MAPK1IP1L: variants seen among roughly 807,000 people sequenced by gnomAD.
The protein encoded by MAPK1IP1L is mitogen-activated protein kinase 1 interacting protein 1 like, also known as MAPK-interacting and spindle-stabilizing protein-like.
In MAPK1IP1L, 10 loss-of-function variants were observed where a neutral mutation model predicts 18.1. The ratio of observed to expected loss-of-function variants is 0.55; its 90% CI spans 0.34 to 0.94. The LOEUF is 0.94. Ranked by LOEUF, MAPK1IP1L falls within the 40% of genes least tolerant of loss-of-function variation. MAPK1IP1L has a pLI of 0.02. For synonymous variants in MAPK1IP1L, 115 were observed against 117.3 expected, an observed-to-expected ratio of 0.98 and a Z score of 0.13; for missense variants, 260 against 318.2, an observed-to-expected ratio of 0.82 and a Z score of 1.39.
rs1225524112 is a variant in MAPK1IP1L, at chr14:55,069,121, TAA to T, written c.*4496_*4497del. ...TTTGCCTCTTCACTTTACCCCTGGA[TAA>T]AGGCACTTTCACTGCCTGTCACTGA... On this transcript the variant is annotated 3_prime_UTR_variant, in exon 4 of 4. Transcript: ENST00000395468. 1.3e-5 allele frequency: 2 copies of T among 152,184 alleles called. No homozygotes were observed. Among genetic ancestry groups the T allele is most frequent in the African/African-American group, 4.8e-5 (2 of 41,420 alleles). 9.4% of individuals were successfully genotyped at this position (152,184 alleles called of 1,614,324 possible).
At chr14:55,061,505 C>T (rs561323032) in intron 1 of MAPK1IP1L, among the ~76,000 whole-genome samples, 175 bp from the exon 2 acceptor site, 2 of 152,260 alleles carry the variant, frequency 1.3e-5, no homozygotes, top group East Asian at 3.9e-4. Flanking sequence ...GTTAATAGAG[C>T]TGTATGAACT....
At position 55,065,342 on chromosome 14, in the gene MAPK1IP1L, G is replaced by C. The variant is rs2042853791; in HGVS notation, c.*715G>C. 1 of 152,078 alleles carries C rather than the reference G, an allele frequency of 6.6e-6. No homozygotes were observed. Among genetic ancestry groups the C allele is most frequent in the Non-Finnish European group, 1.5e-5 (1 of 68,014 alleles). The allele number at this position is 152,078 out of a possible 1,614,324, so 9.4% of individuals were successfully genotyped here. ...AACATGTATGTAAATTAAATTTTTA[G>C]ATAATTGATTATCTCTTTGTACTAC... On this transcript the variant is annotated 3_prime_UTR_variant, in exon 4 of 4. Transcript: ENST00000395468.
intron 1 of MAPK1IP1L, among the ~76,000 whole-genome samples, chr14:55,057,685 G>A (rs1408388182): frequency 6.6e-6 from 1 of 152,054 alleles, no homozygotes; most frequent in African/African-American, 2.4e-5. Flanking sequence ...AAACTGAGGA[G>A]GCGGAGGTTA....
intron 1 of MAPK1IP1L, among the ~76,000 whole-genome samples, chr14:55,056,801 G>A (rs145082566): frequency 0.02 from 3,080 of 152,220 alleles, 98 homozygotes; most frequent in African/African-American, 0.07. Context: ...GAGCCACCGC[G>A]CCCGGCCATG....
At chr14:55,051,941 G>A in intron 1 of MAPK1IP1L, 138 bp downstream of exon 1, 1 of 372,882 alleles carries the variant, frequency 2.7e-6, no homozygotes, top group Non-Finnish European at 5.3e-6. Context: ...TCGGGCCGTG[G>A]TCGCCTGCCT....
At position 55,067,349 on chromosome 14, in the gene MAPK1IP1L, T is replaced by C. The variant is rs1310419085; in HGVS notation, c.*2722T>C. ...TATTTCAGGTTGGTTCGGTGTGGAG[T>C]TAAGAAAAGCAGGCGTTTTAGTGGA... On this transcript the variant is annotated 3_prime_UTR_variant, in exon 4 of 4. Transcript: ENST00000395468. 3.9e-5 allele frequency: 6 copies of C among 151,962 alleles called. No individual in the cohort carries two copies. The highest frequency in any genetic ancestry group is 3.9e-4 in the Admixed American group (6 of 15,238). The allele number at this position is 151,962 out of a possible 1,614,324, so 9.4% of individuals were successfully genotyped here.
At position 55,063,185 on chromosome 14, in the gene MAPK1IP1L, C is replaced by T. The variant is rs1341679539; in HGVS notation, c.586C>T (p.Pro196Ser). 9 of 1,614,192 alleles carry T rather than the reference C, an allele frequency of 5.6e-6. No individual in the cohort carries two copies. Among genetic ancestry groups the T allele is most frequent in the South Asian group, 5.5e-5 (5 of 91,086 alleles). ...ACCTGTTCCATGGGGCACCGTTCCACCAGGAGCCTGGGGACCACCAGCACC... is the reference window on the plus strand; with the variant it reads ...ACCTGTTCCATGGGGCACCGTTCCATCAGGAGCCTGGGGACCACCAGCACC... ...APPVPWGTVP[P>S]GAWGPPAPYP... The change falls in exon 3 of 4, where the codon CCA (proline) becomes TCA (serine). Residue 196 changes from proline (P) to serine (S), a missense_variant. Pro to Ser is a moderately conservative substitution (Grantham distance 74). Coordinates refer to ENST00000395468, the MANE Select transcript of MAPK1IP1L (RefSeq NM_144578.4).
intron 1 of MAPK1IP1L, among the ~76,000 whole-genome samples, chr14:55,057,910 C>T (rs1003961386): frequency 6.6e-6 from 1 of 151,908 alleles, no homozygotes; most frequent in East Asian, 1.9e-4. Context: ...ACTCCAGCCT[C>T]GGTGACAGAG....
intron 1 of MAPK1IP1L, among the ~76,000 whole-genome samples, chr14:55,059,893 A>T (rs185488991): frequency 1.2e-3 from 190 of 152,356 alleles, no homozygotes; most frequent in African/African-American, 4.2e-3. Flanking sequence ...TAGTAAAGGT[A>T]GCTTGTCCAA....
At chr14:55,061,192 C>T (rs1160561385) in intron 1 of MAPK1IP1L, among the ~76,000 whole-genome samples, 1 of 152,046 alleles carries the variant, frequency 6.6e-6, no homozygotes, top group Non-Finnish European at 1.5e-5. Context: ...AAATAAGACG[C>T]TAATTTTTAA....
chr14:55,062,769 C>T lies in MAPK1IP1L; in HGVS notation c.170C>T (p.Ala57Val), dbSNP rs568012336. The T allele has an allele frequency of 4.3e-6, 7 of 1,614,196 alleles. No individual in the cohort carries two copies. Among genetic ancestry groups the T allele is most frequent in the Non-Finnish European group, 5.1e-6 (6 of 1,180,048 alleles). Residue 57 changes from alanine (A) to valine (V), a missense_variant, in exon 3 of 4, where the codon GCA becomes GTA. Transcript: ENST00000395468. The part of the protein sequence containing the change: ...SSVPSGLPPS[A>V]TPSTVPFGPA... The stretch of plus-strand genomic sequence containing the variant: ...GTGCCATCTGGACTCCCACCAAGTG[C>T]AACACCCTCCACTGTGCCTTTTGGA...
intron 3 of MAPK1IP1L, 56 bp downstream of exon 3, chr14:55,063,381 TTG>T (rs2042835879): frequency 1.4e-6 from 2 of 1,423,212 alleles, no homozygotes. Context: ...ACAACTGACA[TTG>T]TTTCTCCCCA....
intron 1 of MAPK1IP1L, among the ~76,000 whole-genome samples, chr14:55,059,488 G>A (rs1354666456): frequency 6.6e-6 from 1 of 152,106 alleles, no homozygotes; most frequent in South Asian, 2.1e-4. Context: ...AGCTGGGCAG[G>A]ATCGATTGAG....
At chr14:55,062,227 A>G (rs1189428932) in intron 2 of MAPK1IP1L, among the ~76,000 whole-genome samples, 2 of 152,196 alleles carry the variant, frequency 1.3e-5, no homozygotes, top group African/African-American at 4.8e-5. Flanking sequence ...TAACCCTAAA[A>G]CAGTTTTGAA....
Position 55,054,177 on chromosome 14 carries a change from CTTTT to C in MAPK1IP1L, c.-5+2389_-5+2392del, listed in dbSNP as rs371063665. ...TATTCTAATTTATAATTTATATTTTCTTTTTTTTTTTTTTTTTTGGAGACGGAGT... is the reference window on the plus strand; with the variant it reads ...TATTCTAATTTATAATTTATATTTTCTTTTTTTTTTTTTTGGAGACGGAGT... On this transcript the variant is annotated intron_variant, in intron 1 of 3. Coordinates refer to ENST00000395468, the MANE Select transcript of MAPK1IP1L (RefSeq NM_144578.4). Among the ~76,000 whole-genome samples, 12 of 127,262 alleles carry C rather than the reference CTTTT, an allele frequency of 9.4e-5. No individual in the cohort carries two copies. In the South Asian group the frequency reaches 1.1e-3, roughly 11 times the overall value. 83.5% of individuals were successfully genotyped at this position (127,262 alleles called of 152,430 possible). A position where few individuals can be genotyped will look rare whatever the true frequency, so the allele number is the denominator to read the frequency against.
In MAPK1IP1L at chr14:55,063,178, C is replaced by T. The variant is rs145963007; in HGVS notation, c.579C>T (p.Thr193=). 1.6e-4 allele frequency: 264 copies of T among 1,614,022 alleles called. No individual in the cohort carries two copies. The highest frequency in any genetic ancestry group is 2.0e-4 in the Non-Finnish European group (235 of 1,180,038). ...CAGCACCACCTGTTCCATGGGGCACCGTTCCACCAGGAGCCTGGGGACCAC... is the reference window on the plus strand; with the variant it reads ...CAGCACCACCTGTTCCATGGGGCACTGTTCCACCAGGAGCCTGGGGACCAC... ...PGAAPPVPWG[T]VPPGAWGPPA... Residue 193 remains threonine, a synonymous_variant, in exon 3 of 4, where the codon ACC becomes ACT. Coordinates refer to ENST00000395468, the MANE Select transcript of MAPK1IP1L (RefSeq NM_144578.4).
At position 55,058,553 on chromosome 14, in the gene MAPK1IP1L, G is replaced by A. The variant is rs1166845309; in HGVS notation, c.-4-3127G>A. On this transcript the variant is annotated intron_variant, in intron 1 of 3. Coordinates refer to ENST00000395468, the MANE Select transcript of MAPK1IP1L (RefSeq NM_144578.4). ...GCGGGTAGAAAATATTCAGGGAGCC[G>A]GGTGCGGTGGCTCATGCCTGTAATC... 3.3e-5 allele frequency among the ~76,000 whole-genome samples: 5 copies of A among 152,266 alleles called. No individual in the cohort carries two copies. In the East Asian group the frequency reaches 7.7e-4, roughly 23 times the overall value.
At chr14:55,051,929 G>C (rs1461303851) in intron 1 of MAPK1IP1L, 126 bp downstream of exon 1, 1 of 382,238 alleles carries the variant, frequency 2.6e-6, no homozygotes, top group Admixed American at 3.1e-5. Flanking sequence ...CACGTCCAGT[G>C]CTCGGGCCGT....
Position 55,063,337 on chromosome 14 carries a change from A to G in MAPK1IP1L, c.726+12A>G. 4.4e-6 allele frequency: 7 copies of G among 1,584,502 alleles called. No homozygotes were observed. Among genetic ancestry groups the G allele is most frequent in the East Asian group, 2.2e-5 (1 of 44,602 alleles). ...CTGGTGGCCCCCATGTGAGTGTTCA[A>G]TTTGTTATTTAAAGTGTACTAATTG... On this transcript the variant is annotated intron_variant, in intron 3 of 3. Coordinates refer to ENST00000395468, the MANE Select transcript of MAPK1IP1L (RefSeq NM_144578.4).
Sources: allele counts gnomAD v4.1 joint callset (sites outside exome capture counted in the v4.1 genomes callset), GRCh38; gene constraint gnomAD v4.1.1; transcripts MANE v1.5; gene names NCBI Gene and HGNC (gene_info 2026-07-23, HGNC 2026-07-21).